Variants in DCBLD2 observed in about 807,000 individuals in gnomAD.
DCBLD2 encodes the protein discoidin, CUB and LCCL domain-containing protein 2.
A neutral mutation model predicts 86.8 loss-of-function variants in DCBLD2; 54 were observed. The observed-to-expected ratio is 0.62, with a 90% CI of 0.50 to 0.78. The LOEUF (loss-of-function observed/expected upper bound fraction) is 0.78. DCBLD2 is among the 30% of genes least tolerant of loss of function. DCBLD2 has a pLI of 0.00. For missense variants in DCBLD2, 908 were observed against 954.2 expected (o/e 0.95, Z 0.64); for synonymous variants, 354 against 341.3 (o/e 1.04, Z -0.41).
chr3:98,885,810 G>A (rs564940770), intron 1 of DCBLD2, among the ~76,000 whole-genome samples: 1 of 151,810 alleles, frequency 6.6e-6, no homozygotes, highest in East Asian at 1.9e-4. Context: ...AGGAGAAGAG[G>A]ACCCCACAGA....
intron 1 of DCBLD2, among the ~76,000 whole-genome samples, chr3:98,885,864 G>C (rs1185899951): frequency 6.6e-6 from 1 of 151,202 alleles, no homozygotes; most frequent in Non-Finnish European, 1.5e-5. Context: ...GACAATTTTG[G>C]TTGTCACAAC....
rs766532553 is a variant in DCBLD2 at position 98,811,517 on chromosome 3, C to A, written c.1401G>T (p.Arg467=). 1 of 1,606,756 alleles carries A rather than the reference C, an allele frequency of 6.2e-7. No individual in the cohort carries two copies. Among genetic ancestry groups the A allele is most frequent in the South Asian group, 1.1e-5 (1 of 88,980 alleles). ...PPKLTQPPPP[R]NSNDLKNTTA... is the part of the protein sequence containing the mutation. ...TAGTGTTTTTGAGGTCATTGCTGTT[C>A]CGAGGAGGTGGAGGTTGAGTAAGTT... The change falls in exon 11 of 16, where the codon CGG becomes CGT. Residue 467 remains arginine (R), a synonymous_variant. Coordinates refer to ENST00000326840, the MANE Select transcript of DCBLD2 (RefSeq NM_080927.4).
At chr3:98,833,139 T>C (rs986515561) in intron 3 of DCBLD2, among the ~76,000 whole-genome samples, 1 of 152,256 alleles carries the variant, frequency 6.6e-6, no homozygotes, top group Non-Finnish European at 1.5e-5. Context: ...TTCATTCTTT[T>C]TTTCTTTACT....
At chr3:98,818,020 A>G in intron 8 of DCBLD2, 127 bp from the exon 9 acceptor site, 1 of 1,198,014 alleles carries the variant, frequency 8.3e-7, no homozygotes, top group Non-Finnish European at 1.1e-6. Flanking sequence ...TTCCATATCC[A>G]AGTGCACGTT....
intron 6 of DCBLD2, chr3:98,822,010 C>T: frequency 3.3e-6 from 2 of 602,276 alleles, no homozygotes; most frequent in East Asian, 3.7e-5. Flanking sequence ...CACGCCACTG[C>T]ACTCCAGCCT....
chr3:98,897,186 A>G (rs1943764991), intron 1 of DCBLD2, among the ~76,000 whole-genome samples: 1 of 152,204 alleles, frequency 6.6e-6, no homozygotes, highest in East Asian at 1.9e-4. Flanking sequence ...GGAATTATCA[A>G]CTATCCCCAG....
chr3:98,836,361 T>C (rs1227648757), intron 3 of DCBLD2, among the ~76,000 whole-genome samples: 1 of 147,884 alleles, frequency 6.8e-6, no homozygotes, highest in Non-Finnish European at 1.5e-5. Flanking sequence ...GAAATTTGTA[T>C]AACATGGAAC....
chr3:98,839,167 CT>C (rs1261323057), intron 3 of DCBLD2, among the ~76,000 whole-genome samples: 2 of 78,878 alleles, frequency 2.5e-5, no homozygotes, highest in East Asian at 1.4e-3. Flanking sequence ...TTCTTTCTTT[CT>C]TTCCTTTCTT....
chr3:98,859,495 C>A (rs561846226), intron 2 of DCBLD2, among the ~76,000 whole-genome samples: 86 of 152,286 alleles, frequency 5.6e-4, no homozygotes, highest in African/African-American at 1.9e-3. Context: ...AGACTGATAC[C>A]TCACATGGCC....
At chr3:98,891,644 T>C (rs368886477) in intron 1 of DCBLD2, among the ~76,000 whole-genome samples, 2 of 152,120 alleles carry the variant, frequency 1.3e-5, no homozygotes, top group South Asian at 2.1e-4. Context: ...TATCATAATC[T>C]GGCCCCTGAT....
intron 1 of DCBLD2, among the ~76,000 whole-genome samples, chr3:98,884,743 T>A (rs934173114): frequency 6.6e-6 from 1 of 152,200 alleles, no homozygotes; most frequent in Non-Finnish European, 1.5e-5. Context: ...CTTTAGTAAA[T>A]AGAAAACAAA....
At chr3:98,828,385 A>T (rs1942261825) in intron 3 of DCBLD2, among the ~76,000 whole-genome samples, 1 of 152,206 alleles carries the variant, frequency 6.6e-6, no homozygotes, top group South Asian at 2.1e-4. Flanking sequence ...AACCAATTTA[A>T]AAACAGACAA....
At chr3:98,821,323 G>C (rs981903962) in intron 6 of DCBLD2, 1 of 152,188 alleles carries the variant, frequency 6.6e-6, no homozygotes, top group Non-Finnish European at 1.5e-5. Flanking sequence ...TAAGAGACAA[G>C]ATTTATAAAA....
chr3:98,838,267 G>A (rs1339546144), intron 3 of DCBLD2, among the ~76,000 whole-genome samples: 2 of 99,950 alleles, frequency 2.0e-5, no homozygotes, highest in African/African-American at 6.6e-5. Context: ...GCTGCCGGGC[G>A]GAGGGGCTCC....
chr3:98,835,676 A>G (rs544577157), intron 3 of DCBLD2, among the ~76,000 whole-genome samples: 23 of 146,598 alleles, frequency 1.6e-4, no homozygotes, highest in Non-Finnish European at 3.3e-4. Flanking sequence ...TAGCCTCCCG[A>G]GTAGCTGGGA....
intron 8 of DCBLD2, 57 bp downstream of exon 8, chr3:98,819,145 A>T: frequency 6.9e-7 from 1 of 1,451,820 alleles, no homozygotes; most frequent in Non-Finnish European, 9.3e-7. Flanking sequence ...AGATGTTACT[A>T]GTTTTTCAAA....
chr3:98,842,590 A>G (rs374903791), intron 3 of DCBLD2, among the ~76,000 whole-genome samples: 1 of 152,260 alleles, frequency 6.6e-6, no homozygotes, highest in African/African-American at 2.4e-5. Flanking sequence ...TCTTAAGAAT[A>G]TAACAATGTC....
intron 1 of DCBLD2, among the ~76,000 whole-genome samples, chr3:98,897,855 C>A (rs1464935482): frequency 6.6e-6 from 1 of 152,068 alleles, no homozygotes; most frequent in African/African-American, 2.4e-5. Context: ...TTCCAGGATA[C>A]AAATGAGGAA....
intron 14 of DCBLD2, 67 bp from the exon 15 acceptor site, chr3:98,800,783 G>A (rs1941705089): frequency 6.3e-7 from 1 of 1,596,162 alleles, no homozygotes; most frequent in African/African-American, 1.4e-5. Flanking sequence ...GTAGTATCAA[G>A]AGAAAAATCC....
Sources: allele counts gnomAD v4.1 joint callset (sites outside exome capture counted in the v4.1 genomes callset), GRCh38; gene constraint gnomAD v4.1.1; transcripts MANE v1.5; gene names NCBI Gene and HGNC (gene_info 2026-07-23, HGNC 2026-07-21).